Variants in LPP observed in about 807,000 individuals in gnomAD.
LPP encodes the protein lipoma-preferred partner.
LPP carries 38 observed loss-of-function variants against 60.4 expected under a neutral mutation model. The ratio of observed to expected loss-of-function variants is 0.63; its 90% confidence interval spans 0.49 to 0.83. LPP has a LOEUF of 0.83. Among genes scored for constraint, LPP ranks in the 40% least tolerant of loss-of-function variants. LPP has a pLI of 0.00. For missense variants in LPP, 902 were observed against 783.6 expected, an observed-to-expected ratio of 1.15 and a Z score of -1.80; for synonymous variants, 328 against 290.8, an observed-to-expected ratio of 1.13 and a Z score of -1.30.
intron 7 of LPP, among the ~76,000 whole-genome samples, chr3:188,665,361 T>G (rs1378941129): frequency 6.6e-6 from 1 of 152,186 alleles, no homozygotes; most frequent in Non-Finnish European, 1.5e-5. Flanking sequence ...AATCACTTTG[T>G]TTAACATAGT....
chr3:188,368,187 C>CA (rs1330873611), intron 3 of LPP, among the ~76,000 whole-genome samples: 5 of 152,196 alleles, frequency 3.3e-5, no homozygotes, highest in African/African-American at 7.2e-5. Context: ...CACTTTAACT[C>CA]AGAGAGTTGT....
intron 1 of LPP, among the ~76,000 whole-genome samples, chr3:188,198,439 G>C (rs1172086481): frequency 6.6e-6 from 1 of 152,210 alleles, no homozygotes; most frequent in Non-Finnish European, 1.5e-5. Flanking sequence ...CTGTAGACTT[G>C]AATCACATTT....
At chr3:188,479,167 C>T (rs1804057090) in intron 4 of LPP, among the ~76,000 whole-genome samples, 1 of 152,156 alleles carries the variant, frequency 6.6e-6, no homozygotes, top group Admixed American at 6.6e-5. Flanking sequence ...GTATTCCAAT[C>T]CAGTCTCTTT....
At chr3:188,204,931 TC>T in intron 1 of LPP, among the ~76,000 whole-genome samples, 1 of 152,328 alleles carries the variant, frequency 6.6e-6, no homozygotes, top group South Asian at 2.1e-4. Context: ...ATGTGTTTCT[TC>T]CAGTAACTCT....
intron 8 of LPP, chr3:188,712,649 C>T (rs1712045491): frequency 6.6e-6 from 1 of 152,180 alleles, no homozygotes; most frequent in South Asian, 2.1e-4. Flanking sequence ...CAGGACTATC[C>T]TCTCAGCCCT....
At chr3:188,369,706 A>G (rs1265293810) in intron 3 of LPP, among the ~76,000 whole-genome samples, 1 of 152,138 alleles carries the variant, frequency 6.6e-6, no homozygotes, top group Non-Finnish European at 1.5e-5. Context: ...CTAGTGTACC[A>G]ATGACCAGTG....
intron 3 of LPP, among the ~76,000 whole-genome samples, chr3:188,368,402 A>G (rs542461160): frequency 2.4e-4 from 36 of 148,802 alleles, no homozygotes; most frequent in African/African-American, 7.9e-4. Flanking sequence ...TTTTTCCCCT[A>G]TGTCTTTAGG....
At chr3:188,309,530 A>C (rs1752714877) in intron 2 of LPP, among the ~76,000 whole-genome samples, 1 of 152,086 alleles carries the variant, frequency 6.6e-6, no homozygotes, top group South Asian at 2.1e-4. Context: ...AAAGGTTGAG[A>C]GGTCCTTAGG....
intron 9 of LPP, among the ~76,000 whole-genome samples, chr3:188,812,892 T>A (rs570580191): frequency 1.8e-4 from 28 of 152,034 alleles, no homozygotes; most frequent in South Asian, 4.1e-4. Context: ...GGGGAAAAAA[T>A]TACACTTTTT....
At chr3:188,266,515 A>AG (rs1017917107) in intron 2 of LPP, among the ~76,000 whole-genome samples, 63 of 147,872 alleles carry the variant, frequency 4.3e-4, no homozygotes, top group African/African-American at 1.5e-3. Flanking sequence ...AGAAGAGGAG[A>AG]GGGGAGGGGA....
intron 2 of LPP, among the ~76,000 whole-genome samples, chr3:188,334,435 T>TTTTTTTTTTTTTTTG (rs1761062545): frequency 6.7e-6 from 1 of 148,336 alleles, no homozygotes; most frequent in Admixed American, 6.7e-5. Context: ...TTTTTTTTTT[T>TTTTTTTTTTTTTTTG]TTTTTTTGAG....
At chr3:188,447,927 G>A (rs1427230321) in intron 4 of LPP, among the ~76,000 whole-genome samples, 1 of 152,158 alleles carries the variant, frequency 6.6e-6, no homozygotes, top group African/African-American at 2.4e-5. Flanking sequence ...ATTATCTACT[G>A]TTGTACTGGG....
At chr3:188,793,582 T>G (rs1744482958) in intron 9 of LPP, among the ~76,000 whole-genome samples, 2 of 152,196 alleles carry the variant, frequency 1.3e-5, no homozygotes, top group African/African-American at 2.4e-5. Context: ...CAGCCTGCCC[T>G]TTAAGTAAAG....
At position 188,318,811 on chromosome 3, in the gene LPP, T is replaced by C. The variant is rs965142987; in HGVS notation, c.-66-22852T>C. 9.5e-5 allele frequency among the ~76,000 whole-genome samples: 13 copies of C among 136,870 alleles called. No individual in the cohort carries two copies. In the East Asian group the frequency reaches 2.4e-3, roughly 25 times the overall value. 89.8% of individuals were successfully genotyped at this position (136,870 alleles called of 152,430 possible). A position where few individuals can be genotyped will look rare whatever the true frequency, so the allele number is the denominator to read the frequency against. ...TCTCGCTCTGTCGCCCAGGCTGGAG[T>C]GCAGTGGCGCGATCTCGGCTCACTG... On this transcript the variant is annotated intron_variant, in intron 2 of 11. Transcript: ENST00000617246.
rs1025500756 is a variant in LPP at position 188,695,422 on chromosome 3, C to G, written c.1114-12845C>G. ...AATAACACTGAGTCATTCATATTCTCTCATCCACCTTCCTGCCACATTTGA... is the reference window on the plus strand; with the variant it reads ...AATAACACTGAGTCATTCATATTCTGTCATCCACCTTCCTGCCACATTTGA... On this transcript the variant is annotated intron_variant, in intron 7 of 11. Transcript: ENST00000617246. 2.6e-5 allele frequency among the ~76,000 whole-genome samples: 4 copies of G among 152,342 alleles called. No individual in the cohort carries two copies. The South Asian group carries it at 8.3e-4, about 32-fold the overall frequency.
intron 6 of LPP, among the ~76,000 whole-genome samples, chr3:188,599,929 T>A (rs1325393781): frequency 6.6e-6 from 1 of 152,080 alleles, no homozygotes; most frequent in African/African-American, 2.4e-5. Context: ...TTTTAACTCA[T>A]CACCAGATTT....
At chr3:188,804,243 T>TTATATATATATATATATATATATATA (rs60989319) in intron 9 of LPP, among the ~76,000 whole-genome samples, 10 of 37,712 alleles carry the variant, frequency 2.7e-4, no homozygotes, top group East Asian at 2.0e-3. Flanking sequence ...TAGTGCATCT[T>TTATATATATATATATATATATATATA]TATATATATA....
chr3:188,366,755 A>C (rs868730919), intron 3 of LPP, among the ~76,000 whole-genome samples: 1 of 152,198 alleles, frequency 6.6e-6, no homozygotes, highest in Non-Finnish European at 1.5e-5. Flanking sequence ...TTTAGCTCAC[A>C]TGCGTGTGAG....
At chr3:188,340,317 C>G (rs1762703796) in intron 2 of LPP, among the ~76,000 whole-genome samples, 2 of 151,010 alleles carry the variant, frequency 1.3e-5, no homozygotes, top group Non-Finnish European at 2.9e-5. Context: ...TAAAATAAAG[C>G]ATGATGTTAA....
Sources: allele counts gnomAD v4.1 joint callset (sites outside exome capture counted in the v4.1 genomes callset), GRCh38; gene constraint gnomAD v4.1.1; transcripts MANE v1.5; gene names NCBI Gene and HGNC (gene_info 2026-07-23, HGNC 2026-07-21).